The following RASA1 variants were observed in gnomAD, a reference collection of about 807,000 sequenced individuals.
The protein encoded by RASA1 is RAS p21 protein activator 1.
Under a neutral mutation model 132.2 loss-of-function variants are expected in RASA1, and 25 were observed. The ratio of observed to expected loss-of-function variants is 0.19; its 90% CI spans 0.14 to 0.26. RASA1 has a LOEUF of 0.26. RASA1 is among the 10% of genes least tolerant of loss of function. The pLI is 1.00. For synonymous variants in RASA1, 477 were observed against 449.9 expected, an observed-to-expected ratio of 1.06 and a Z score of -0.76; for missense variants, 964 against 1,299.2, an observed-to-expected ratio of 0.74 and a Z score of 3.97.
intron 1 of RASA1, among the ~76,000 whole-genome samples, chr5:87,307,030 G>A (rs1278645588): frequency 6.6e-6 from 1 of 151,948 alleles, no homozygotes; most frequent in East Asian, 1.9e-4. Flanking sequence ...CAGCGTATTT[G>A]TTTTAGAAAA....
Position 87,268,495 on chromosome 5 carries a change from C to T in RASA1, c.44C>T (p.Thr15Ile), listed in dbSNP as rs899638423. The T allele has an allele frequency of 3.2e-6, 5 of 1,560,394 alleles. No homozygotes were observed. The highest frequency in any genetic ancestry group is 4.3e-6 in the Non-Finnish European group (5 of 1,154,076). ...GGCAGTGAGGAGGGCGGCCCGGTAA[C>T]AGCCGGAGCTGGAGGAGGCGGCGCG... Reference protein sequence around the residue: ...EAGSEEGGPVTAGAGGGGAAA... With the variant: ...EAGSEEGGPVIAGAGGGGAAA... The change falls in exon 1 of 25, where the codon ACA (threonine) becomes ATA (isoleucine). Residue 15 changes from threonine to isoleucine, a missense_variant. Thr to Ile is a moderately conservative substitution (Grantham distance 89). Coordinates refer to ENST00000274376, the MANE Select transcript of RASA1 (RefSeq NM_002890.3).
rs1762003899 is a variant in RASA1 at position 87,385,495 on chromosome 5, G to A, written c.2847+106G>A. 5 of 831,414 alleles carry A rather than the reference G, an allele frequency of 6.0e-6. No individual in the cohort carries two copies. In the East Asian group the frequency reaches 8.1e-5, roughly 13 times the overall value. The allele number at this position is 831,414 out of a possible 1,614,324, so 51.5% of individuals were successfully genotyped here. Reference sequence around the variant, plus strand: ...AATTTTTAGCAGTGAAATTTTTAGCGATGAAAGATTATTTTTGTTGGTATG... The same window carrying A: ...AATTTTTAGCAGTGAAATTTTTAGCAATGAAAGATTATTTTTGTTGGTATG... On this transcript the variant is annotated intron_variant, in intron 22 of 24. Coordinates refer to ENST00000274376, the MANE Select transcript of RASA1 (RefSeq NM_002890.3).
chr5:87,370,173 T>G (rs1455121277), intron 12 of RASA1, among the ~76,000 whole-genome samples: 1 of 152,192 alleles, frequency 6.6e-6, no homozygotes, highest in African/African-American at 2.4e-5. Context: ...AATGCTCATT[T>G]AAAATCCTCT....
At chr5:87,383,002 G>A (rs909361247) in intron 20 of RASA1, among the ~76,000 whole-genome samples, 42 of 151,986 alleles carry the variant, frequency 2.8e-4, no homozygotes, top group South Asian at 2.1e-4. Context: ...TGAGGCAAGA[G>A]AATTGTTTGA....
At position 87,380,601 on chromosome 5, in the gene RASA1, G is replaced by T; in HGVS notation, c.2690+6G>T. 13 of 1,603,388 alleles carry T rather than the reference G, an allele frequency of 8.1e-6. No individual in the cohort carries two copies. Among genetic ancestry groups the T allele is most frequent in the Non-Finnish European group, 1.1e-5 (13 of 1,170,514 alleles). Reference sequence around the variant, plus strand: ...ATGAGAACAAGAGTTGTTAGGTAAGGCTCATCAATTGATTTGTTAAATCAC... The same window carrying T: ...ATGAGAACAAGAGTTGTTAGGTAAGTCTCATCAATTGATTTGTTAAATCAC... On this transcript the variant is annotated splice_donor_region_variant and intron_variant, in intron 20 of 24. Transcript: ENST00000274376.
intron 1 of RASA1, among the ~76,000 whole-genome samples, chr5:87,285,359 G>A (rs1754504193): frequency 6.6e-6 from 1 of 151,674 alleles, no homozygotes; most frequent in South Asian, 2.1e-4. Flanking sequence ...GAGCCACCGC[G>A]CCTGGCAATG....
chr5:87,391,601 T>C lies in RASA1; in HGVS notation c.*718T>C, dbSNP rs1370551839. ...TGTTAAATGTTTACAAGTAAATAGT[T>C]TGAATTCAGTAAATATTATTGGTTG... is the stretch of plus-strand genomic sequence containing the variant. On this transcript the variant is annotated 3_prime_UTR_variant, in exon 25 of 25. Coordinates refer to ENST00000274376, the MANE Select transcript of RASA1 (RefSeq NM_002890.3). 8.5e-6 allele frequency: 2 copies of C among 234,714 alleles called. No individual in the cohort carries two copies. Among genetic ancestry groups the C allele is most frequent in the African/African-American group, 2.2e-5 (1 of 45,262 alleles). 14.5% of individuals were successfully genotyped at this position (234,714 alleles called of 1,614,324 possible).
At chr5:87,350,257 G>A (rs1759164461) in intron 8 of RASA1, among the ~76,000 whole-genome samples, 1 of 151,838 alleles carries the variant, frequency 6.6e-6, no homozygotes, top group African/African-American at 2.4e-5. Context: ...CTAGGCAGCT[G>A]TACCCTTTTG....
intron 12 of RASA1, among the ~76,000 whole-genome samples, chr5:87,370,631 G>C (rs1401952029): frequency 6.6e-6 from 1 of 152,114 alleles, no homozygotes; most frequent in Non-Finnish European, 1.5e-5. Context: ...CTGTAAGCCA[G>C]CCTAGGCAAC....
chr5:87,357,787 A>G (rs1461716539), intron 9 of RASA1, among the ~76,000 whole-genome samples: 1 of 152,200 alleles, frequency 6.6e-6, no homozygotes. Flanking sequence ...ATTACTTGAG[A>G]TATGTAATGT....
At position 87,268,348 on chromosome 5, in the gene RASA1, G is replaced by C. The variant is rs1435805200; in HGVS notation, c.-104G>C. 2.2e-6 allele frequency: 3 copies of C among 1,358,436 alleles called. No homozygotes were observed. The highest frequency in any genetic ancestry group is 2.9e-6 in the Non-Finnish European group (3 of 1,023,912). 84.1% of individuals were successfully genotyped at this position (1,358,436 alleles called of 1,614,324 possible). Reference sequence around the variant, plus strand: ...TGTTGTTGTTTCCTCAGCCTGGGGAGCTGAAGGGGAGACGCGTCTGGGTGG... The same window carrying C: ...TGTTGTTGTTTCCTCAGCCTGGGGACCTGAAGGGGAGACGCGTCTGGGTGG... On this transcript the variant is annotated 5_prime_UTR_variant, in exon 1 of 25. Transcript: ENST00000274376.
chr5:87,284,351 CAGGT>C (rs1482140284), intron 1 of RASA1, among the ~76,000 whole-genome samples: 1 of 152,112 alleles, frequency 6.6e-6, no homozygotes, highest in African/African-American at 2.4e-5. Flanking sequence ...TATAGACAGA[CAGGT>C]AGGTAGGCAG....
chr5:87,303,839 CTTT>C (rs755878903), intron 1 of RASA1, among the ~76,000 whole-genome samples: 1 of 130,316 alleles, frequency 7.7e-6, no homozygotes, highest in Non-Finnish European at 1.7e-5. Context: ...TACTTCTTGT[CTTT>C]TTTTTTTTTT....
chr5:87,273,140 C>T (rs749108162), intron 1 of RASA1, among the ~76,000 whole-genome samples: 2 of 152,122 alleles, frequency 1.3e-5, no homozygotes, highest in Non-Finnish European at 2.9e-5. Flanking sequence ...TATGTAGATA[C>T]ACCAGTGCAA....
chr5:87,351,541 C>G (rs1205350226), intron 8 of RASA1, among the ~76,000 whole-genome samples: 2 of 151,604 alleles, frequency 1.3e-5, no homozygotes, highest in Non-Finnish European at 3.0e-5. Flanking sequence ...AATTAAAATA[C>G]AGAACACAGT....
At chr5:87,378,863 C>T (rs115570467) in intron 18 of RASA1, among the ~76,000 whole-genome samples, 1,800 of 152,234 alleles carry the variant, frequency 0.012, 28 homozygotes, top group African/African-American at 0.041. Context: ...GTTAGTGACT[C>T]ATTATATAAC....
intron 21 of RASA1, among the ~76,000 whole-genome samples, chr5:87,384,763 C>G (rs1292997362): frequency 1.3e-5 from 2 of 152,080 alleles, no homozygotes; most frequent in Non-Finnish European, 2.9e-5. Context: ...GAAGTGCTTC[C>G]TGACTTACCT....
intron 11 of RASA1, among the ~76,000 whole-genome samples, chr5:87,365,529 G>A (rs1760448826): frequency 6.6e-6 from 1 of 151,894 alleles, no homozygotes; most frequent in Non-Finnish European, 1.5e-5. Flanking sequence ...AGTTAAAATT[G>A]TTTTAATTAT....
At chr5:87,298,381 C>A (rs1393680396) in intron 1 of RASA1, among the ~76,000 whole-genome samples, 2 of 149,988 alleles carry the variant, frequency 1.3e-5, no homozygotes, top group Non-Finnish European at 3.0e-5. Context: ...CCACTGCACT[C>A]CAGCCTGGAC....
Sources: gnomAD v4.1 joint callset for allele counts (sites outside exome capture counted in the v4.1 genomes callset) on GRCh38, gnomAD v4.1.1 for gene constraint, MANE v1.5 for transcripts, NCBI Gene and HGNC (gene_info 2026-07-23, HGNC 2026-07-21) for gene names.